Variants in LEKR1 observed in about 807,000 individuals in gnomAD.
LEKR1 encodes the protein protein LEKR1.
In LEKR1, 59 loss-of-function variants were observed where a neutral mutation model predicts 72.4. The ratio of observed to expected loss-of-function variants is 0.82; its 90% CI spans 0.66 to 1.01. The LOEUF is 1.01. Among genes scored for constraint, LEKR1 ranks in the 50% least tolerant of loss-of-function variants. The pLI is 0.00. For synonymous variants in LEKR1, 257 were observed against 263.2 expected (o/e 0.98, Z 0.23); for missense variants, 728 against 759.2 (o/e 0.96, Z 0.48).
At chr3:156,978,963 A>C (rs1375264398) in intron 6 of LEKR1, among the ~76,000 whole-genome samples, 1 of 152,202 alleles carries the variant, frequency 6.6e-6, no homozygotes, top group Admixed American at 6.5e-5. Context: ...GTGGGGGCAG[A>C]AAGAGGCCAA....
chr3:156,895,217 G>A (rs769449525), intron 3 of LEKR1, among the ~76,000 whole-genome samples: 1 of 152,138 alleles, frequency 6.6e-6, no homozygotes, highest in Non-Finnish European at 1.5e-5. Context: ...TTAAAAAGTA[G>A]GCAAAGGACA....
At chr3:156,958,782 C>G (rs1727870035) in intron 6 of LEKR1, among the ~76,000 whole-genome samples, 1 of 152,118 alleles carries the variant, frequency 6.6e-6, no homozygotes, top group African/African-American at 2.4e-5. Flanking sequence ...AGACTTCTCA[C>G]CTCCTAGCTT....
chr3:157,004,993 C>T (rs993756248), intron 9 of LEKR1, among the ~76,000 whole-genome samples: 1 of 151,832 alleles, frequency 6.6e-6, no homozygotes, highest in African/African-American at 2.4e-5. Context: ...ATCAGTGAAA[C>T]AAAAATTTGT....
rs115927608 is a variant in LEKR1, at chr3:156,859,035, C to T, written c.263+6053C>T. ...AGAGAATATAACCTATTTGGGAGACCGTATTAAGAGTTTAATAAACAATAA... is the reference window on the plus strand; with the variant it reads ...AGAGAATATAACCTATTTGGGAGACTGTATTAAGAGTTTAATAAACAATAA... On this transcript the variant is annotated intron_variant, in intron 3 of 12. Coordinates refer to ENST00000356539, the MANE Select transcript of LEKR1 (RefSeq NM_001004316.3). 2.2e-3 allele frequency among the ~76,000 whole-genome samples: 331 copies of T among 151,972 alleles called. 1 individual carries two copies. The highest frequency in any genetic ancestry group is 7.6e-3 in the African/African-American group (316 of 41,440).
chr3:156,932,947 G>A (rs987277292), intron 5 of LEKR1, among the ~76,000 whole-genome samples: 11 of 151,792 alleles, frequency 7.2e-5, no homozygotes, highest in African/African-American at 1.7e-4. Context: ...GCAGAATGGC[G>A]TGAACCCGGG....
rs528743756 is a variant in LEKR1, at chr3:156,875,924, G to A, written c.263+22942G>A. On this transcript the variant is annotated intron_variant, in intron 3 of 12. Coordinates refer to ENST00000356539, the MANE Select transcript of LEKR1 (RefSeq NM_001004316.3). ...GCAGGAGAATGGCATGAACCCGGGG[G>A]GCAGAGCCTGCAGTGAGCCAAGATC... Among the ~76,000 whole-genome samples the A allele has an allele frequency of 2.7e-5, 4 of 150,826 alleles. No homozygotes were observed. In the South Asian group the frequency reaches 8.4e-4, roughly 32 times the overall value.
At chr3:156,878,463 GT>G (rs920879845) in intron 3 of LEKR1, among the ~76,000 whole-genome samples, 6 of 151,960 alleles carry the variant, frequency 3.9e-5, no homozygotes, top group Admixed American at 2.6e-4. Flanking sequence ...TTAATTTCCA[GT>G]TTTATTCCAC....
chr3:156,974,709 C>T (rs1483653126), intron 6 of LEKR1, among the ~76,000 whole-genome samples: 2 of 146,872 alleles, frequency 1.4e-5, no homozygotes, highest in Admixed American at 6.7e-5. Flanking sequence ...GCCAGCAACG[C>T]CCCCCTCTAA....
chr3:156,997,941 G>C (rs372260999), intron 9 of LEKR1, among the ~76,000 whole-genome samples: 1 of 152,216 alleles, frequency 6.6e-6, no homozygotes, highest in Admixed American at 6.5e-5. Context: ...GAAAGGAAAA[G>C]AAGTAGGTCT....
At chr3:156,878,368 G>C (rs1032284694) in intron 3 of LEKR1, among the ~76,000 whole-genome samples, 1 of 152,016 alleles carries the variant, frequency 6.6e-6, no homozygotes. Context: ...TTTCCCTCTT[G>C]ATTTCATTGT....
chr3:157,026,961 A>G (rs1269111134), intron 11 of LEKR1, among the ~76,000 whole-genome samples: 2 of 152,208 alleles, frequency 1.3e-5, no homozygotes, highest in East Asian at 1.9e-4. Flanking sequence ...TTGAGAAGCA[A>G]TACATTTTCA....
At chr3:156,879,613 A>C (rs916521840) in intron 3 of LEKR1, among the ~76,000 whole-genome samples, 10 of 152,210 alleles carry the variant, frequency 6.6e-5, no homozygotes, top group African/African-American at 9.6e-5. Flanking sequence ...CACCAAGACA[A>C]TGGGAAAATG....
At position 156,997,066 on chromosome 3, in the gene LEKR1, A is replaced by T. The variant is rs989147824; in HGVS notation, c.1109+3789A>T. 2.3e-4 allele frequency among the ~76,000 whole-genome samples: 24 copies of T among 105,662 alleles called. No individual in the cohort carries two copies. The South Asian group carries it at 5.4e-3, about 24-fold the overall frequency. 69.3% of individuals were successfully genotyped at this position (105,662 alleles called of 152,430 possible). On this transcript the variant is annotated intron_variant, in intron 9 of 12. Transcript: ENST00000356539. ...GGCAACAAGAGCAAAACTTCATTTA[A>T]AAAAAAAAAAAAAAGATATTCTGAA...
chr3:157,032,384 A>C (rs1303126814), intron 12 of LEKR1, among the ~76,000 whole-genome samples: 1 of 152,242 alleles, frequency 6.6e-6, no homozygotes, highest in Non-Finnish European at 1.5e-5. Flanking sequence ...TAAATGCTAT[A>C]GTTCTTGTAG....
chr3:156,878,302 C>G (rs1229466817), intron 3 of LEKR1, among the ~76,000 whole-genome samples: 2 of 151,842 alleles, frequency 1.3e-5, no homozygotes, highest in Non-Finnish European at 1.5e-5. Flanking sequence ...TTGCTGTATC[C>G]CAGAGGTTTT....
intron 12 of LEKR1, among the ~76,000 whole-genome samples, chr3:157,029,159 A>G (rs1283435022): frequency 6.6e-6 from 1 of 152,220 alleles, no homozygotes; most frequent in African/African-American, 2.4e-5. Context: ...GCATAAAAGG[A>G]AAGTGCTAAC....
intron 3 of LEKR1, among the ~76,000 whole-genome samples, chr3:156,919,670 T>G (rs1724005621): frequency 6.6e-6 from 1 of 152,194 alleles, no homozygotes; most frequent in Non-Finnish European, 1.5e-5. Context: ...TAATAACTGT[T>G]TATAGCAACT....
chr3:156,857,673 A>T (rs1472717085), intron 3 of LEKR1, among the ~76,000 whole-genome samples: 1 of 152,170 alleles, frequency 6.6e-6, no homozygotes, highest in Non-Finnish European at 1.5e-5. Flanking sequence ...ATTTTGGATA[A>T]TTTCTTTATT....
At chr3:156,953,733 G>A (rs531914209) in intron 6 of LEKR1, among the ~76,000 whole-genome samples, 1 of 152,094 alleles carries the variant, frequency 6.6e-6, no homozygotes, top group East Asian at 1.9e-4. Flanking sequence ...ATTCCATGGT[G>A]TATGTGTACC....
Sources: gnomAD v4.1 joint callset for allele counts (sites outside exome capture counted in the v4.1 genomes callset) on GRCh38, gnomAD v4.1.1 for gene constraint, MANE v1.5 for transcripts, NCBI Gene and HGNC (gene_info 2026-07-23, HGNC 2026-07-21) for gene names.